LNPK: variants seen among roughly 807,000 people sequenced by gnomAD.
LNPK encodes lunapark, ER junction formation factor.
LNPK carries 29 observed loss-of-function variants against 55.2 expected under a neutral mutation model. The observed-to-expected ratio is 0.53, with a 90% CI of 0.39 to 0.72. The LOEUF is 0.72. LNPK is among the 30% of genes least tolerant of loss of function. The pLI is 0.00. For synonymous variants in LNPK, 162 were observed against 168.2 expected (o/e 0.96, Z 0.29); for missense variants, 467 against 494.8 (o/e 0.94, Z 0.53).
chr2:175,977,564 G>C (rs928747548), intron 5 of LNPK, among the ~76,000 whole-genome samples: 5 of 152,146 alleles, frequency 3.3e-5, no homozygotes, highest in African/African-American at 1.2e-4. Flanking sequence ...CAGAAAAAGA[G>C]TGAATAACTG....
At chr2:175,952,554 C>T (rs1035423926) in intron 8 of LNPK, among the ~76,000 whole-genome samples, 3 of 152,012 alleles carry the variant, frequency 2.0e-5, no homozygotes, top group Non-Finnish European at 4.4e-5. Context: ...CTTCTGTTCA[C>T]ATCCACTCAT....
intron 9 of LNPK, among the ~76,000 whole-genome samples, chr2:175,944,150 T>C (rs1265263681): frequency 6.6e-6 from 1 of 152,036 alleles, no homozygotes; most frequent in Non-Finnish European, 1.5e-5. Context: ...CAGTTGGAAA[T>C]AGTTAATAAA....
intron 2 of LNPK, chr2:175,994,361 T>C (rs1275187432): frequency 9.2e-6 from 9 of 980,976 alleles, no homozygotes; most frequent in African/African-American, 7.0e-5. Context: ...GTCAATATAA[T>C]GCTGATCCAA....
intron 6 of LNPK, among the ~76,000 whole-genome samples, chr2:175,964,916 C>T (rs1686252718): frequency 6.6e-6 from 1 of 152,120 alleles, no homozygotes; most frequent in African/African-American, 2.4e-5. Context: ...ACATGACAAG[C>T]AAATGACAGG....
intron 12 of LNPK, chr2:175,931,993 A>G (rs1684301784): frequency 3.1e-6 from 1 of 320,080 alleles, no homozygotes; most frequent in South Asian, 2.8e-5. Flanking sequence ...CAAGAACTTC[A>G]CAATTTCTTA....
intron 4 of LNPK, among the ~76,000 whole-genome samples, chr2:175,983,081 A>G (rs1050530373): frequency 1.3e-5 from 2 of 152,248 alleles, no homozygotes; most frequent in Non-Finnish European, 2.9e-5. Context: ...AGAAAACTGC[A>G]TATTTCACAA....
chr2:175,972,032 C>A (rs1030207200), intron 5 of LNPK, among the ~76,000 whole-genome samples: 1 of 152,068 alleles, frequency 6.6e-6, no homozygotes, highest in Non-Finnish European at 1.5e-5. Context: ...AATTCTTATA[C>A]CTCAGTCTCC....
chr2:175,989,496 C>G (rs192136583), intron 4 of LNPK, among the ~76,000 whole-genome samples: 226 of 152,166 alleles, frequency 1.5e-3, no homozygotes, highest in African/African-American at 5.1e-3. Context: ...AAGACTTTTA[C>G]TTAGTTAACA....
intron 8 of LNPK, among the ~76,000 whole-genome samples, chr2:175,956,422 A>G (rs994035758): frequency 1.3e-5 from 2 of 152,114 alleles, no homozygotes; most frequent in Non-Finnish European, 2.9e-5. Context: ...CTCAGGTTTA[A>G]GCATCCTGTT....
At chr2:175,932,287 AATGGTTAAT>A in intron 12 of LNPK, 1 of 421,688 alleles carries the variant, frequency 2.4e-6, no homozygotes, top group Admixed American at 2.6e-5. Flanking sequence ...GCCACAAAGA[AATGGTTAAT>A]ACAAGGAGGA....
intron 6 of LNPK, among the ~76,000 whole-genome samples, chr2:175,966,465 T>C (rs1420034030): frequency 6.6e-6 from 1 of 152,244 alleles, no homozygotes; most frequent in African/African-American, 2.4e-5. Context: ...AAGATTAAAC[T>C]GTGATCTTTA....
intron 8 of LNPK, among the ~76,000 whole-genome samples, chr2:175,951,584 C>CATATATATATATATAT (rs56037027): frequency 0.01 from 908 of 90,448 alleles, 48 homozygotes; most frequent in African/African-American, 0.023. Flanking sequence ...TTCCATCATT[C>CATATATATATATATAT]ATATATATAT....
intron 1 of LNPK, among the ~76,000 whole-genome samples, chr2:175,998,444 C>CAAAAAAAAAAAAAAAAA (rs761894057): frequency 1.2e-5 from 1 of 82,860 alleles, no homozygotes; most frequent in African/African-American, 4.8e-5. Context: ...CTCCGTCTCA[C>CAAAAAAAAAAAAAAAAA]AAAAAAAAAA....
At chr2:175,976,018 A>G (rs72912945) in intron 5 of LNPK, among the ~76,000 whole-genome samples, 14,251 of 152,254 alleles carry the variant, frequency 0.094, 720 homozygotes, top group Admixed American at 0.13. Context: ...ATCTCAAAAA[A>G]AAAGAAAGAA....
chr2:175,939,706 T>G, intron 9 of LNPK, 49 bp from the exon 10 acceptor site: 2 of 917,534 alleles, frequency 2.2e-6, no homozygotes, highest in Non-Finnish European at 3.3e-6. Context: ...GAAATACACA[T>G]AAAATTTAAT....
intron 12 of LNPK, among the ~76,000 whole-genome samples, chr2:175,931,323 T>A (rs750415528): frequency 5.9e-5 from 9 of 152,200 alleles, no homozygotes; most frequent in Non-Finnish European, 1.3e-4. Flanking sequence ...ATAATAAAGG[T>A]CAGTTTTGCT....
At chr2:175,957,512 C>T (rs1228848249) in intron 8 of LNPK, among the ~76,000 whole-genome samples, 1 of 151,716 alleles carries the variant, frequency 6.6e-6, no homozygotes, top group Non-Finnish European at 1.5e-5. Flanking sequence ...CTTGCCTACT[C>T]ATGGACAGTT....
At chr2:175,930,585 G>T (rs1684235583) in intron 12 of LNPK, among the ~76,000 whole-genome samples, 1 of 132,960 alleles carries the variant, frequency 7.5e-6, no homozygotes, top group Non-Finnish European at 1.5e-5. Context: ...TTAATGTCCA[G>T]ATTACATTTC....
intron 4 of LNPK, among the ~76,000 whole-genome samples, chr2:175,989,445 T>C (rs1345638004): frequency 6.6e-6 from 1 of 152,136 alleles, no homozygotes; most frequent in East Asian, 1.9e-4. Context: ...TCTAGAAAGT[T>C]ATAATTCGTA....
Sources: allele counts gnomAD v4.1 joint callset (sites outside exome capture counted in the v4.1 genomes callset), GRCh38; gene constraint gnomAD v4.1.1; transcripts MANE v1.5; gene names NCBI Gene and HGNC (gene_info 2026-07-23, HGNC 2026-07-21).